Variants in BLK observed in about 807,000 individuals in gnomAD.
BLK encodes the protein BLK proto-oncogene, Src family tyrosine kinase.
BLK carries 64 observed loss-of-function variants against 61.8 expected under a neutral mutation model. That is an observed-to-expected ratio of 1.03 (90% CI 0.85 to 1.27). The LOEUF (loss-of-function observed/expected upper bound fraction) is 1.27. BLK is among the 50% of genes most tolerant of loss of function. The pLI is 0.00. For synonymous variants in BLK, 351 were observed against 272.0 expected (o/e 1.29, Z -2.86); for missense variants, 853 against 660.5 (o/e 1.29, Z -3.19).
At chr8:11,517,925 G>A (rs374228687) in intron 1 of BLK, among the ~76,000 whole-genome samples, 76 of 152,276 alleles carry the variant, frequency 5.0e-4, no homozygotes, top group African/African-American at 1.7e-3. Flanking sequence ...AGCATTGAGG[G>A]CACCCCAGCC....
chr8:11,533,339 G>A (rs1799970209), intron 1 of BLK, among the ~76,000 whole-genome samples: 2 of 152,116 alleles, frequency 1.3e-5, no homozygotes, highest in South Asian at 4.1e-4. Flanking sequence ...AAACCCGATG[G>A]AGGTGCTTCT....
intron 1 of BLK, among the ~76,000 whole-genome samples, chr8:11,525,769 G>C (rs1287692005): frequency 6.6e-6 from 1 of 152,154 alleles, no homozygotes; most frequent in East Asian, 1.9e-4. Context: ...CTCTGAGACA[G>C]AGTCTCATTC....
intron 1 of BLK, among the ~76,000 whole-genome samples, chr8:11,540,645 A>G (rs1800331455): frequency 6.6e-6 from 1 of 152,246 alleles, no homozygotes; most frequent in Admixed American, 6.5e-5. Flanking sequence ...GAAAATGTAG[A>G]TGAAATTAAA....
At chr8:11,526,545 C>T (rs994796959) in intron 1 of BLK, among the ~76,000 whole-genome samples, 1 of 152,042 alleles carries the variant, frequency 6.6e-6, no homozygotes, top group Non-Finnish European at 1.5e-5. Context: ...ATGATGAAAC[C>T]CCATCTCTAA....
rs763307492 is a variant in BLK, at chr8:11,555,454, G to A, written c.742G>A (p.Gly248Arg). 1.4e-5 allele frequency: 23 copies of A among 1,614,134 alleles called. No homozygotes were observed. Among genetic ancestry groups the A allele is most frequent in the Middle Eastern group, 1.6e-4 (1 of 6,062 alleles). The change falls in exon 8 of 13, where the codon GGG becomes AGG. Residue 248 changes from glycine to arginine, a missense_variant. Transcript: ENST00000259089. The part of the protein sequence containing the change: ...RQSLRLVRKL[G>R]SGQFGEVWMG... ...GTCTCTCAGGCTGGTCAGGAAACTC[G>A]GGTCTGGACAATTCGGCGAAGTCTG...
chr8:11,496,263 G>C (rs557276475), intron 1 of BLK, among the ~76,000 whole-genome samples: 4 of 152,054 alleles, frequency 2.6e-5, no homozygotes, highest in African/African-American at 9.7e-5. Context: ...TCAGAGATGG[G>C]GTCTTGCTCT....
At chr8:11,555,937 C>T in intron 8 of BLK, 1 of 308,644 alleles carries the variant, frequency 3.2e-6, no homozygotes. Context: ...CCTCACATTT[C>T]CATCGCTGCT....
At chr8:11,512,911 C>G (rs1799072950) in intron 1 of BLK, among the ~76,000 whole-genome samples, 1 of 152,182 alleles carries the variant, frequency 6.6e-6, no homozygotes, top group African/African-American at 2.4e-5. Context: ...AAGTGATCTG[C>G]CCGCTTCGGC....
In BLK at chr8:11,498,612, C is replaced by T. The variant is rs114202400; in HGVS notation, c.-2+4021C>T. Among the ~76,000 whole-genome samples the T allele has an allele frequency of 7.6e-3, 1,157 of 152,298 alleles. 13 individuals carry two copies. Among genetic ancestry groups the T allele is most frequent in the African/African-American group, 0.025 (1,047 of 41,560 alleles). ...CTCGTCCTGCAGTGTAGTGGTTAGACGGCTGGCCTTGTCAACCAGAGGGCT... is the reference window on the plus strand; with the variant it reads ...CTCGTCCTGCAGTGTAGTGGTTAGATGGCTGGCCTTGTCAACCAGAGGGCT... On this transcript the variant is annotated intron_variant, in intron 1 of 12. Coordinates refer to ENST00000259089, the MANE Select transcript of BLK (RefSeq NM_001715.3).
At chr8:11,560,938 G>GCTCCCC (rs878979672) in intron 10 of BLK, 7 of 482,898 alleles carry the variant, frequency 1.4e-5, no homozygotes, top group Admixed American at 9.3e-5. Flanking sequence ...CTTGCCTCCT[G>GCTCCCC]CTCCCCCTCC....
chr8:11,556,585 G>T, intron 8 of BLK, 73 bp from the exon 9 acceptor site: 1 of 1,595,436 alleles, frequency 6.3e-7, no homozygotes, highest in South Asian at 1.1e-5. Flanking sequence ...CACTTACCCC[G>T]ATTTTGGTTA....
At chr8:11,534,707 T>C (rs1400200820) in intron 1 of BLK, among the ~76,000 whole-genome samples, 6 of 152,224 alleles carry the variant, frequency 3.9e-5, no homozygotes, top group African/African-American at 1.2e-4. Context: ...TTTCTCCTCC[T>C]AACTGTGCCG....
At chr8:11,558,414 C>G (rs1801331811) in intron 10 of BLK, 13 of 363,138 alleles carry the variant, frequency 3.6e-5, no homozygotes, top group South Asian at 2.7e-4. Context: ...GACCTCATCT[C>G]TTCCTTAGAT....
intron 9 of BLK, among the ~76,000 whole-genome samples, 175 bp downstream of exon 9, chr8:11,557,012 G>T (rs978673181): frequency 1.3e-5 from 2 of 152,058 alleles, no homozygotes; most frequent in African/African-American, 4.8e-5. Flanking sequence ...GAGGGAGGGT[G>T]AGAAACAGGA....
intron 1 of BLK, among the ~76,000 whole-genome samples, chr8:11,503,956 G>A (rs190970574): frequency 7.2e-5 from 11 of 152,288 alleles, no homozygotes; most frequent in Admixed American, 2.6e-4. Context: ...GCTCCTGGCC[G>A]GGAGATGAAG....
At chr8:11,499,533 G>A (rs536167509) in intron 1 of BLK, among the ~76,000 whole-genome samples, 7 of 152,310 alleles carry the variant, frequency 4.6e-5, no homozygotes, top group South Asian at 4.2e-4. Flanking sequence ...GTACACTGCC[G>A]TGGCTTGTGC....
intron 1 of BLK, among the ~76,000 whole-genome samples, chr8:11,497,787 G>T (rs1798411184): frequency 6.6e-6 from 1 of 152,250 alleles, no homozygotes; most frequent in Non-Finnish European, 1.5e-5. Context: ...ACCCTTGGAA[G>T]AAAGAGAAGA....
intron 10 of BLK, chr8:11,559,116 A>T: frequency 2.5e-6 from 1 of 396,302 alleles, no homozygotes. Context: ...TCCCCACTAC[A>T]CCCCCTTGGG....
intron 1 of BLK, among the ~76,000 whole-genome samples, chr8:11,517,663 C>A (rs1161497660): frequency 6.6e-6 from 1 of 152,164 alleles, no homozygotes; most frequent in Non-Finnish European, 1.5e-5. Context: ...AGACAGCCAC[C>A]CAGACCTTGA....
Sources: gnomAD v4.1 joint callset for allele counts (sites outside exome capture counted in the v4.1 genomes callset) on GRCh38, gnomAD v4.1.1 for gene constraint, MANE v1.5 for transcripts, NCBI Gene and HGNC (gene_info 2026-07-23, HGNC 2026-07-21) for gene names.